Variants in SLC4A4 observed in about 807,000 individuals in gnomAD.
SLC4A4 encodes solute carrier family 4 member 4, also known as electrogenic sodium bicarbonate cotransporter 1.
In SLC4A4, 27 loss-of-function variants were observed where a neutral mutation model predicts 111.5. The ratio of observed to expected loss-of-function variants is 0.24; its 90% confidence interval spans 0.18 to 0.33. SLC4A4 has a LOEUF of 0.33. Ranked by LOEUF, SLC4A4 falls within the 10% of genes least tolerant of loss-of-function variation. The pLI, the probability that SLC4A4 is intolerant of heterozygous loss-of-function variation, is 1.00. For missense variants in SLC4A4, 909 were observed against 1,315.5 expected (o/e 0.69, Z 4.78); for synonymous variants, 443 against 463.4 (o/e 0.96, Z 0.57).
At chr4:71,099,680 T>C (rs1742659742) in intron 2 of SLC4A4, among the ~76,000 whole-genome samples, 2 of 152,098 alleles carry the variant, frequency 1.3e-5, no homozygotes, top group Middle Eastern at 3.4e-3. Context: ...ATTAATGAGA[T>C]TGATAGGCTA....
upstream of SLC4A4, among the ~76,000 whole-genome samples, chr4:71,182,350 C>A (rs911163682): frequency 6.6e-6 from 1 of 152,108 alleles, no homozygotes; most frequent in Non-Finnish European, 1.5e-5. Context: ...CAGTGTTTTC[C>A]GTGAAGACAT....
chr4:71,223,387 T>C (rs1370392637), intron 1 of SLC4A4, among the ~76,000 whole-genome samples: 1 of 151,900 alleles, frequency 6.6e-6, no homozygotes, highest in African/African-American at 2.4e-5. Context: ...GTGGTCTCAA[T>C]TTCCTGACCT....
intron 16 of SLC4A4, among the ~76,000 whole-genome samples, chr4:71,518,656 C>G (rs565896896): frequency 6.4e-4 from 98 of 152,044 alleles, no homozygotes; most frequent in Non-Finnish European, 1.3e-3. Context: ...AGAGTCTGGC[C>G]TGGTGCTGGG....
chr4:71,563,455 C>T (rs1276475955), intron 23 of SLC4A4, among the ~76,000 whole-genome samples: 4 of 151,810 alleles, frequency 2.6e-5, no homozygotes, highest in Non-Finnish European at 5.9e-5. Flanking sequence ...TATGTTTAAT[C>T]TGTTTTTGCA....
At chr4:71,268,888 T>C (rs1578717562) in intron 3 of SLC4A4, among the ~76,000 whole-genome samples, 1 of 152,248 alleles carries the variant, frequency 6.6e-6, no homozygotes, top group East Asian at 1.9e-4. Context: ...CAAAATGTTT[T>C]ATTTTTGTGT....
At chr4:71,096,553 T>C (rs1742559869) in intron 2 of SLC4A4, among the ~76,000 whole-genome samples, 1 of 152,254 alleles carries the variant, frequency 6.6e-6, no homozygotes, top group Non-Finnish European at 1.5e-5. Context: ...TAATGCAATA[T>C]TTAAAAAAAT....
intron 2 of SLC4A4, among the ~76,000 whole-genome samples, chr4:71,120,995 A>G (rs4694376): frequency 0.77 from 116,570 of 152,124 alleles, 46,939 homozygotes; most frequent in Admixed American, 0.88. Context: ...CCGGGTGGGC[A>G]CGCGCTCGGT....
intron 2 of SLC4A4, among the ~76,000 whole-genome samples, chr4:71,113,390 C>G (rs1344509756): frequency 6.6e-6 from 1 of 152,204 alleles, no homozygotes; most frequent in African/African-American, 2.4e-5. Context: ...ATTCCCCAGC[C>G]CTGTCACTTA....
intron 6 of SLC4A4, among the ~76,000 whole-genome samples, chr4:71,392,697 A>C (rs1044938224): frequency 6.6e-6 from 1 of 152,106 alleles, no homozygotes; most frequent in South Asian, 2.1e-4. Context: ...CCAAACCAGG[A>C]AAGGACATAA....
chr4:71,509,401 G>A (rs903224451), intron 16 of SLC4A4, among the ~76,000 whole-genome samples: 2 of 135,390 alleles, frequency 1.5e-5, no homozygotes, highest in Non-Finnish European at 3.0e-5. Context: ...ATCTTTTGTA[G>A]GGAGGGATTT....
intron 2 of SLC4A4, among the ~76,000 whole-genome samples, chr4:71,175,524 A>T (rs968112724): frequency 4.6e-5 from 7 of 152,214 alleles, no homozygotes; most frequent in African/African-American, 7.2e-5. Context: ...GCACACCAGG[A>T]GATTATATCC....
rs551612018 is a variant in SLC4A4 at position 71,423,619 on chromosome 4, C to A, written c.808-16997C>A. ...TACAAGGCTACAGTAACCAAAACAG[C>A]ATGGTACTGGTACCAAAACAGAGAT... is the stretch of plus-strand genomic sequence containing the variant. On this transcript the variant is annotated intron_variant, in intron 7 of 25. Transcript: ENST00000264485. Among the ~76,000 whole-genome samples the A allele has an allele frequency of 2.4e-4, 37 of 152,294 alleles. No individual in the cohort carries two copies. In the East Asian group the frequency reaches 5.4e-3, roughly 22 times the overall value.
intron 12 of SLC4A4, among the ~76,000 whole-genome samples, chr4:71,459,457 A>T (rs1726611126): frequency 6.6e-6 from 1 of 152,070 alleles, no homozygotes; most frequent in South Asian, 2.1e-4. Flanking sequence ...AGATAGATTG[A>T]CATAAAGGAT....
At chr4:71,379,633 A>G (rs1424463944) in intron 6 of SLC4A4, among the ~76,000 whole-genome samples, 1 of 152,162 alleles carries the variant, frequency 6.6e-6, no homozygotes, top group Non-Finnish European at 1.5e-5. Context: ...TTGGCAAAGT[A>G]TCTAAAGAGC....
At chr4:71,253,912 T>C (rs1173831514) in intron 2 of SLC4A4, among the ~76,000 whole-genome samples, 1 of 152,206 alleles carries the variant, frequency 6.6e-6, no homozygotes, top group Non-Finnish European at 1.5e-5. Flanking sequence ...ACTTAGGTTC[T>C]GCATTGCTTA....
At chr4:71,157,429 A>C (rs1489709458) in intron 2 of SLC4A4, among the ~76,000 whole-genome samples, 1 of 152,202 alleles carries the variant, frequency 6.6e-6, no homozygotes. Flanking sequence ...GATATGAATA[A>C]AAATTGTCAT....
At chr4:71,123,604 A>C (rs548847789) in intron 2 of SLC4A4, among the ~76,000 whole-genome samples, 1 of 152,214 alleles carries the variant, frequency 6.6e-6, no homozygotes, top group Admixed American at 6.5e-5. Context: ...TTTGAAAAAA[A>C]TTAGCAACAG....
intron 2 of SLC4A4, among the ~76,000 whole-genome samples, chr4:71,179,454 C>T (rs916200000): frequency 2.2e-4 from 33 of 152,304 alleles, no homozygotes; most frequent in Non-Finnish European, 4.3e-4. Flanking sequence ...ATCTAGAAAA[C>T]CCCATCGTCT....
intron 2 of SLC4A4, among the ~76,000 whole-genome samples, chr4:71,126,311 A>G (rs1413416116): frequency 6.6e-6 from 1 of 152,198 alleles, no homozygotes; most frequent in Non-Finnish European, 1.5e-5. Flanking sequence ...TTTTGTAGTG[A>G]GCCACATAAT....
Sources: gnomAD v4.1 joint callset for allele counts (sites outside exome capture counted in the v4.1 genomes callset) on GRCh38, gnomAD v4.1.1 for gene constraint, MANE v1.5 for transcripts, NCBI Gene and HGNC (gene_info 2026-07-23, HGNC 2026-07-21) for gene names.